LGALS1: variants seen among roughly 807,000 people sequenced by gnomAD.
LGALS1 encodes galectin-1.
In LGALS1, 14 loss-of-function variants were observed where a neutral mutation model predicts 14.4. That is an observed-to-expected ratio of 0.97 (90% CI 0.64 to 1.52). LGALS1 has a LOEUF of 1.52. Ranked by LOEUF, LGALS1 falls within the 40% of genes most tolerant of loss-of-function variation. LGALS1 has a pLI of 0.00. For missense variants in LGALS1, 170 were observed against 181.4 expected, an observed-to-expected ratio of 0.94 and a Z score of 0.36; for synonymous variants, 71 against 73.4, an observed-to-expected ratio of 0.97 and a Z score of 0.17.
intron 2 of LGALS1, 91 bp from the exon 3 acceptor site, chr22:37,678,392 G>A (rs750386573): frequency 1.1e-5 from 16 of 1,403,666 alleles, no homozygotes; most frequent in Non-Finnish European, 1.6e-5. Flanking sequence ...CTTCCAGCAA[G>A]GTGCGTTCAT....
chr22:37,676,898 C>CCCACT, intron 1 of LGALS1, 88 bp from the exon 2 acceptor site: 1 of 1,365,616 alleles, frequency 7.3e-7, no homozygotes, highest in East Asian at 2.4e-5. Flanking sequence ...CGGGAACAAC[C>CCCACT]CCACTCCCAC....
chr22:37,679,335 A>G (rs1320148931), intron 3 of LGALS1, among the ~76,000 whole-genome samples: 2 of 140,524 alleles, frequency 1.4e-5, no homozygotes, highest in African/African-American at 2.7e-5. Context: ...GGAGGCTGAG[A>G]CAGGAGAATC....
rs945132996 is a variant in LGALS1, at chr22:37,675,723, G to A, written c.9+12G>A. ...CAATCATGGCTTGTGTGAGTGTGGG[G>A]ACCCCCCCCCAAGGTCCAGGGGATA... On this transcript the variant is annotated intron_variant, in intron 1 of 3. Coordinates refer to ENST00000215909, the MANE Select transcript of LGALS1 (RefSeq NM_002305.4). The A allele has an allele frequency of 1.3e-6, 2 of 1,532,794 alleles. No individual in the cohort carries two copies. The highest frequency in any genetic ancestry group is 1.8e-6 in the Non-Finnish European group (2 of 1,138,588). 94.9% of individuals were successfully genotyped at this position (1,532,794 alleles called of 1,614,324 possible).
At chr22:37,678,443 G>A (rs763479455) in intron 2 of LGALS1, 40 bp from the exon 3 acceptor site, 2 of 1,610,402 alleles carry the variant, frequency 1.2e-6, no homozygotes, top group East Asian at 4.5e-5. Flanking sequence ...TGGGGCTGGA[G>A]CTGGCCGAGG....
chr22:37,678,083 G>A lies in LGALS1; in HGVS notation c.90-400G>A, dbSNP rs142178643. ...GTTACAGGCATGAGCCACCGTGCCC[G>A]GGAGTATTATTATTATTATTTGTTA... On this transcript the variant is annotated intron_variant, in intron 2 of 3. Coordinates refer to ENST00000215909, the MANE Select transcript of LGALS1 (RefSeq NM_002305.4). Among the ~76,000 whole-genome samples the A allele has an allele frequency of 2.0e-3, 304 of 152,190 alleles. 1 individual carries two copies. The highest frequency in any genetic ancestry group is 7.0e-3 in the African/African-American group (289 of 41,522).
chr22:37,678,458 C>T (rs531363299), intron 2 of LGALS1, 25 bp from the exon 3 acceptor site: 1 of 1,612,980 alleles, frequency 6.2e-7, no homozygotes, highest in East Asian at 2.2e-5. Flanking sequence ...CCGAGGTGGC[C>T]TCATGCCCAC....
intron 3 of LGALS1, among the ~76,000 whole-genome samples, chr22:37,679,207 G>C (rs1415089919): frequency 6.6e-6 from 1 of 151,340 alleles, no homozygotes; most frequent in Non-Finnish European, 1.5e-5. Context: ...CAAAGTGGGT[G>C]GATCACCTGA....
chr22:37,678,783 G>A, intron 3 of LGALS1, 129 bp downstream of exon 3: 1 of 893,416 alleles, frequency 1.1e-6, no homozygotes, highest in Non-Finnish European at 1.7e-6. Context: ...CCTGTGTGAT[G>A]GCCAGTGTCT....
Position 37,678,633 on chromosome 22 carries a change from C to T in LGALS1, c.240C>T (p.Phe80=). The change falls in exon 3 of 4, where the codon TTC becomes TTT. Residue 80 remains phenylalanine, a synonymous_variant. Coordinates refer to ENST00000215909, the MANE Select transcript of LGALS1 (RefSeq NM_002305.4). ...GTEQREAVFP[F]QPGSVAEVCI... is the part of the protein sequence containing the mutation. ...AGCAGCGGGAGGCTGTCTTTCCCTT[C>T]CAGCCTGGAAGTGTTGCAGAGGTGG... 5.0e-6 allele frequency: 8 copies of T among 1,608,824 alleles called. No individual in the cohort carries two copies. Among genetic ancestry groups the T allele is most frequent in the South Asian group, 1.1e-5 (1 of 90,526 alleles).
At chr22:37,677,101 C>T (rs373008445) in intron 2 of LGALS1, 36 bp downstream of exon 2, 159 of 1,603,280 alleles carry the variant, frequency 9.9e-5, no homozygotes, top group Non-Finnish European at 2.6e-5. Context: ...GCGGCAGGGA[C>T]GGGCTTGGTC....
Position 37,679,783 on chromosome 22 carries a change from C to T in LGALS1, c.*34C>T. ...AGCCCATGGCCCCCAATAAAGGCAGCTGCCTCTGCTCCCTCTGAACCAGCC... is the reference window on the plus strand; with the variant it reads ...AGCCCATGGCCCCCAATAAAGGCAGTTGCCTCTGCTCCCTCTGAACCAGCC... On this transcript the variant is annotated 3_prime_UTR_variant, in exon 4 of 4. Transcript: ENST00000215909. 1 of 1,556,918 alleles carries T rather than the reference C, an allele frequency of 6.4e-7. No homozygotes were observed. The highest frequency in any genetic ancestry group is 8.7e-7 in the Non-Finnish European group (1 of 1,146,768).
At chr22:37,678,773 C>T (rs1334936352) in intron 3 of LGALS1, 119 bp downstream of exon 3, 1 of 986,922 alleles carries the variant, frequency 1.0e-6, no homozygotes, top group Non-Finnish European at 1.5e-6. Flanking sequence ...TCCCTCCCTT[C>T]CTGTGTGATG....
Position 37,679,473 on chromosome 22 carries a change from G to A in LGALS1, c.262-130G>A, listed in dbSNP as rs145418865. On this transcript the variant is annotated intron_variant, in intron 3 of 3. Transcript: ENST00000215909. ...ATCATAGGATTAGAGTAAAAAGAAA[G>A]AAAAAATATTATAAATGTACCTCCG... The A allele has an allele frequency of 4.6e-4, 340 of 731,344 alleles. 2 individuals are homozygous for A. In the East Asian group the frequency reaches 0.011, roughly 23 times the overall value. The allele number at this position is 731,344 out of a possible 1,614,324, so 45.3% of individuals were successfully genotyped here.
intron 1 of LGALS1, 102 bp from the exon 2 acceptor site, chr22:37,676,884 C>A: frequency 8.7e-7 from 1 of 1,144,988 alleles, no homozygotes; most frequent in Non-Finnish European, 1.3e-6. Flanking sequence ...CAGAGGATGC[C>A]GGGCGGGAAC....
intron 3 of LGALS1, among the ~76,000 whole-genome samples, chr22:37,679,053 C>A (rs1921540491): frequency 6.6e-6 from 1 of 151,608 alleles, no homozygotes; most frequent in African/African-American, 2.4e-5. Context: ...ATTGGTTGAA[C>A]CCGGGAGGCG....
intron 1 of LGALS1, 37 bp from the exon 2 acceptor site, chr22:37,676,949 T>C (rs1921448746): frequency 4.3e-6 from 7 of 1,612,468 alleles, no homozygotes; most frequent in Non-Finnish European, 5.9e-6. Flanking sequence ...GGAGGCCTTG[T>C]CCTCTAACCC....
intron 3 of LGALS1, among the ~76,000 whole-genome samples, chr22:37,679,131 CAA>C (rs66507477): frequency 1.2e-4 from 12 of 103,588 alleles, no homozygotes; most frequent in South Asian, 3.2e-4. Context: ...AACTCTGTCT[CAA>C]AAAAAAAAAA....
At chr22:37,678,309 CAG>C (rs745807882) in intron 2 of LGALS1, 172 bp from the exon 3 acceptor site, 7 of 743,792 alleles carry the variant, frequency 9.4e-6, no homozygotes, top group Middle Eastern at 2.3e-4. Context: ...GATGAGCAAA[CAG>C]GGGAAGAGGG....
At chr22:37,679,261 G>A (rs749069566) in intron 3 of LGALS1, among the ~76,000 whole-genome samples, 9 of 151,014 alleles carry the variant, frequency 6.0e-5, no homozygotes, top group Non-Finnish European at 1.2e-4. Flanking sequence ...GTGAAACCCC[G>A]TCTCTATATA....
Sources: allele counts gnomAD v4.1 joint callset (sites outside exome capture counted in the v4.1 genomes callset), GRCh38; gene constraint gnomAD v4.1.1; transcripts MANE v1.5; gene names NCBI Gene and HGNC (gene_info 2026-07-23, HGNC 2026-07-21).